Variants in TENM2 observed in about 807,000 individuals in gnomAD.
TENM2 encodes teneurin transmembrane protein 2.
TENM2 carries 52 observed loss-of-function variants against 245.2 expected under a neutral mutation model. That is an observed-to-expected ratio of 0.21 (90% CI 0.17 to 0.27). TENM2 has a LOEUF of 0.27. Among genes scored for constraint, TENM2 ranks in the 10% least tolerant of loss-of-function variants. The probability of loss-of-function intolerance (pLI) is 1.00; values close to 1 mark genes in which losing one functional copy is unlikely to be tolerated. For synonymous variants in TENM2, 1,363 were observed against 1,438.9 expected (o/e 0.95, Z 1.19); for missense variants, 3,046 against 3,666.8 (o/e 0.83, Z 4.37).
intron 3 of TENM2, among the ~76,000 whole-genome samples, chr5:167,918,554 C>T (rs1777120153): frequency 6.6e-6 from 1 of 152,172 alleles, no homozygotes; most frequent in African/African-American, 2.4e-5. Flanking sequence ...GGAATTGACA[C>T]TGGAGTAATT....
chr5:167,884,611 A>C (rs1438521923), intron 3 of TENM2, among the ~76,000 whole-genome samples: 1 of 152,220 alleles, frequency 6.6e-6, no homozygotes, highest in Non-Finnish European at 1.5e-5. Context: ...GCTGAAAACT[A>C]TTCAATTTTC....
intron 9 of TENM2, among the ~76,000 whole-genome samples, chr5:168,112,987 T>G (rs1414968483): frequency 6.6e-6 from 1 of 152,210 alleles, no homozygotes; most frequent in Non-Finnish European, 1.5e-5. Context: ...AGTACTAGCT[T>G]CAAGTATTTT....
intron 24 of TENM2, among the ~76,000 whole-genome samples, chr5:168,227,603 A>ACAT (rs1033183951): frequency 1.3e-5 from 2 of 151,646 alleles, no homozygotes; most frequent in African/African-American, 4.9e-5. Flanking sequence ...TAGGCAATAG[A>ACAT]CATCTTTAAA....
At chr5:167,813,729 G>A (rs1333246924) in intron 2 of TENM2, among the ~76,000 whole-genome samples, 1 of 152,074 alleles carries the variant, frequency 6.6e-6, no homozygotes, top group Non-Finnish European at 1.5e-5. Context: ...TTGGGAACAG[G>A]CTATGCCCCC....
the TENM2 span, among the ~76,000 whole-genome samples, chr5:167,023,871 T>C: frequency 7.9e-5 from 12 of 152,210 alleles, no homozygotes; most frequent in African/African-American, 2.9e-4. Context: ...GAAAACCCAG[T>C]ATCTGCACTG....
At chr5:168,139,364 A>G (rs746760215) in intron 12 of TENM2, 1 of 399,624 alleles carries the variant, frequency 2.5e-6, no homozygotes, top group Non-Finnish European at 5.0e-6. Flanking sequence ...ATGAAATCTC[A>G]TCTTCTCTTA....
chr5:167,986,988 T>C (rs994853825), intron 4 of TENM2, among the ~76,000 whole-genome samples: 3 of 152,214 alleles, frequency 2.0e-5, no homozygotes, highest in Non-Finnish European at 4.4e-5. Flanking sequence ...CTTTTTGTTA[T>C]GAAAAATTTC....
intron 2 of TENM2, among the ~76,000 whole-genome samples, chr5:167,458,995 CACATA>C (rs1018812402): frequency 6.6e-5 from 10 of 152,270 alleles, no homozygotes; most frequent in African/African-American, 1.4e-4. Context: ...TATGGTAAAA[CACATA>C]ACATAAAATC....
chr5:166,992,611 G>T, the TENM2 span, among the ~76,000 whole-genome samples: 1 of 152,224 alleles, frequency 6.6e-6, no homozygotes, highest in East Asian at 1.9e-4. Flanking sequence ...GCAACATAAA[G>T]GTGGGCCTAT....
chr5:168,137,910 G>A (rs1755198825), intron 12 of TENM2, among the ~76,000 whole-genome samples: 1 of 152,124 alleles, frequency 6.6e-6, no homozygotes, highest in Non-Finnish European at 1.5e-5. Context: ...TCTGATACAG[G>A]AAGTGTTATC....
At chr5:167,341,921 C>G (rs1758124088) in intron 1 of TENM2, among the ~76,000 whole-genome samples, 2 of 152,088 alleles carry the variant, frequency 1.3e-5, no homozygotes, top group Admixed American at 1.3e-4. Flanking sequence ...TAATTTTTCT[C>G]TTTTACATTT....
chr5:167,021,961 A>C, the TENM2 span, among the ~76,000 whole-genome samples: 2 of 152,174 alleles, frequency 1.3e-5, no homozygotes. Flanking sequence ...GACCTAACCC[A>C]TTGTATATAT....
At chr5:167,893,190 G>T (rs1398303445) in intron 3 of TENM2, among the ~76,000 whole-genome samples, 1 of 152,172 alleles carries the variant, frequency 6.6e-6, no homozygotes, top group East Asian at 1.9e-4. Context: ...TTTCAGACAG[G>T]ATGGTAACTC....
intron 3 of TENM2, among the ~76,000 whole-genome samples, chr5:167,914,968 A>T (rs1041351829): frequency 6.6e-6 from 1 of 152,224 alleles, no homozygotes; most frequent in African/African-American, 2.4e-5. Context: ...TTTCCAAAAA[A>T]GGTCACGTTG....
intron 27 of TENM2, among the ~76,000 whole-genome samples, chr5:168,253,898 A>T (rs1290549547): frequency 6.6e-6 from 1 of 152,240 alleles, no homozygotes; most frequent in Admixed American, 6.5e-5. Context: ...AAAGCCCCAG[A>T]TAAAATTTGA....
At chr5:168,008,959 C>G (rs924520863) in intron 5 of TENM2, among the ~76,000 whole-genome samples, 4 of 152,012 alleles carry the variant, frequency 2.6e-5, no homozygotes, top group African/African-American at 9.7e-5. Flanking sequence ...CCATCAAGAC[C>G]CCTTCTGAGG....
the TENM2 span, among the ~76,000 whole-genome samples, chr5:167,033,726 A>G: frequency 6.6e-6 from 1 of 152,238 alleles, no homozygotes; most frequent in Non-Finnish European, 1.5e-5. Context: ...CAGTGGGATC[A>G]TTTGAAAGTA....
chr5:168,238,206 G>A (rs188460922), intron 25 of TENM2, among the ~76,000 whole-genome samples: 4,604 of 47,796 alleles, frequency 0.096, 1,433 homozygotes, highest in East Asian at 0.35. Context: ...AGGGAGGGAG[G>A]GAGGGAGGGA....
intron 1 of TENM2, among the ~76,000 whole-genome samples, chr5:167,299,620 A>T (rs866107045): frequency 1.3e-5 from 2 of 152,300 alleles, no homozygotes; most frequent in Admixed American, 6.5e-5. Flanking sequence ...GGCCTGTACT[A>T]TAGCATAGCC....
Sources: allele counts gnomAD v4.1 joint callset (sites outside exome capture counted in the v4.1 genomes callset), GRCh38; gene constraint gnomAD v4.1.1; transcripts MANE v1.5; gene names NCBI Gene and HGNC (gene_info 2026-07-23, HGNC 2026-07-21).